Variants in RBMS3 observed in about 807,000 individuals in gnomAD.
RBMS3 encodes RNA binding motif single stranded interacting protein 3.
In RBMS3, 27 loss-of-function variants were observed where a neutral mutation model predicts 66.8. That is an observed-to-expected ratio of 0.40 (90% CI 0.30 to 0.56). The LOEUF (loss-of-function observed/expected upper bound fraction) is 0.56, where lower values mean the gene tolerates loss of function less well. Ranked by LOEUF, RBMS3 falls within the 20% of genes least tolerant of loss-of-function variation. The pLI is 0.40. For missense variants in RBMS3, 513 were observed against 549.5 expected, an observed-to-expected ratio of 0.93 and a Z score of 0.66; for synonymous variants, 188 against 183.0, an observed-to-expected ratio of 1.03 and a Z score of -0.22.
chr3:29,548,874 A>C (rs2046074709), intron 3 of RBMS3, among the ~76,000 whole-genome samples: 1 of 152,144 alleles, frequency 6.6e-6, no homozygotes, highest in African/African-American at 2.4e-5. Flanking sequence ...AAGAAAGAGA[A>C]TTTTGGCCAA....
chr3:29,901,797 C>T (rs1402368710), intron 10 of RBMS3, among the ~76,000 whole-genome samples: 1 of 151,690 alleles, frequency 6.6e-6, no homozygotes, highest in Admixed American at 6.6e-5. Context: ...GGGTGGATTC[C>T]TGGAAAAATA....
chr3:29,363,787 C>T (rs1472919690), intron 1 of RBMS3, among the ~76,000 whole-genome samples: 2 of 111,254 alleles, frequency 1.8e-5, no homozygotes, highest in Admixed American at 1.1e-4. Context: ...GAGACTCTGT[C>T]TCAAAAACAA....
intron 1 of RBMS3, among the ~76,000 whole-genome samples, chr3:29,322,472 C>T (rs1256185329): frequency 2.0e-5 from 3 of 152,040 alleles, no homozygotes; most frequent in Non-Finnish European, 4.4e-5. Flanking sequence ...AAATCCTCAT[C>T]CTCTAACATT....
chr3:29,658,094 G>A (rs2050389273), intron 4 of RBMS3, among the ~76,000 whole-genome samples: 3 of 152,140 alleles, frequency 2.0e-5, no homozygotes, highest in Non-Finnish European at 4.4e-5. Context: ...TTCTTGGCAA[G>A]TTAATTCTGA....
intron 6 of RBMS3, among the ~76,000 whole-genome samples, chr3:29,768,115 G>A (rs1390493462): frequency 6.6e-6 from 1 of 151,776 alleles, no homozygotes; most frequent in Non-Finnish European, 1.5e-5. Context: ...ATTTTTCACT[G>A]GAAAAATTTT....
At chr3:29,466,434 T>G (rs13325067) in intron 2 of RBMS3, among the ~76,000 whole-genome samples, 26,530 of 152,114 alleles carry the variant, frequency 0.17, 2,848 homozygotes, top group East Asian at 0.41. Context: ...TATATATTTT[T>G]TTAGCTCCTT....
At chr3:29,828,045 T>C (rs1203717067) in intron 6 of RBMS3, among the ~76,000 whole-genome samples, 1 of 151,996 alleles carries the variant, frequency 6.6e-6, no homozygotes, top group Non-Finnish European at 1.5e-5. Context: ...TTTGTGTGTG[T>C]GTATATGTTT....
At chr3:29,710,724 C>T (rs7611288) in intron 4 of RBMS3, among the ~76,000 whole-genome samples, 2,025 of 152,266 alleles carry the variant, frequency 0.013, 39 homozygotes, top group African/African-American at 0.042. Flanking sequence ...CATTACACCA[C>T]GTGTTTTTAA....
At chr3:29,529,956 C>T (rs1002901062) in intron 3 of RBMS3, among the ~76,000 whole-genome samples, 4 of 152,266 alleles carry the variant, frequency 2.6e-5, no homozygotes, top group East Asian at 1.9e-4. Context: ...ATTGATTTCA[C>T]TTCCCAATAC....
At chr3:29,522,435 C>T (rs910867643) in intron 3 of RBMS3, among the ~76,000 whole-genome samples, 1 of 152,092 alleles carries the variant, frequency 6.6e-6, no homozygotes, top group African/African-American at 2.4e-5. Flanking sequence ...CTCAGGTGAT[C>T]GGCCCGCCTT....
Position 29,704,959 on chromosome 3 carries a change from T to TA in RBMS3, c.400-34760dup, listed in dbSNP as rs1234944653. 2.0e-5 allele frequency among the ~76,000 whole-genome samples: 3 copies of TA among 152,222 alleles called. No individual in the cohort carries two copies. The East Asian group carries it at 5.8e-4, about 29-fold the overall frequency. On this transcript the variant is annotated intron_variant, in intron 4 of 14. Transcript: ENST00000383767. ...TTCCAAATTCATAATGTTGTCAAGA[T>TA]ATCTTGTCACATGATCACTGGCATA...
intron 12 of RBMS3, among the ~76,000 whole-genome samples, chr3:29,962,551 C>CATATATATATATATATATATAAATAT (rs148691765): frequency 7.4e-6 from 1 of 135,208 alleles, no homozygotes; most frequent in Admixed American, 7.6e-5. Context: ...GGTCAAGACT[C>CATATATATATATATATATATAAATAT]ATATATATAT....
At chr3:29,509,180 C>T (rs1457317411) in intron 3 of RBMS3, among the ~76,000 whole-genome samples, 2 of 151,838 alleles carry the variant, frequency 1.3e-5, no homozygotes, top group South Asian at 4.2e-4. Context: ...AATAGCATCT[C>T]TAGAATTATA....
At chr3:29,431,871 A>T (rs1379591242) in intron 1 of RBMS3, among the ~76,000 whole-genome samples, 1 of 152,100 alleles carries the variant, frequency 6.6e-6, no homozygotes, top group African/African-American at 2.4e-5. Context: ...GACCACAGGC[A>T]CATGGTACCA....
At chr3:29,826,856 G>A (rs1303720766) in intron 6 of RBMS3, among the ~76,000 whole-genome samples, 1 of 152,062 alleles carries the variant, frequency 6.6e-6, no homozygotes, top group African/African-American at 2.4e-5. Context: ...AATAGAAATA[G>A]TCACAAGAAT....
At chr3:29,996,965 T>C (rs928448267) in intron 14 of RBMS3, among the ~76,000 whole-genome samples, 51 of 151,940 alleles carry the variant, frequency 3.4e-4, no homozygotes, top group Admixed American at 1.2e-3. Flanking sequence ...TTCAAAAAAT[T>C]AATGAATCCA....
At chr3:29,465,762 TA>T (rs1002141516) in intron 2 of RBMS3, among the ~76,000 whole-genome samples, 1 of 152,240 alleles carries the variant, frequency 6.6e-6, no homozygotes, top group African/African-American at 2.4e-5. Flanking sequence ...ATTGACTTTC[TA>T]AAGCTATGTT....
intron 2 of RBMS3, among the ~76,000 whole-genome samples, chr3:29,448,876 A>G (rs959692558): frequency 6.6e-6 from 1 of 152,244 alleles, no homozygotes; most frequent in Non-Finnish European, 1.5e-5. Context: ...TGAAGTTTTA[A>G]TACTTACTGA....
chr3:29,960,920 G>C (rs919178431), intron 12 of RBMS3, among the ~76,000 whole-genome samples: 1 of 152,120 alleles, frequency 6.6e-6, no homozygotes, highest in Non-Finnish European at 1.5e-5. Context: ...GATGAGAGGG[G>C]CTGCTATGTA....
Sources: gnomAD v4.1 joint callset for allele counts (sites outside exome capture counted in the v4.1 genomes callset) on GRCh38, gnomAD v4.1.1 for gene constraint, MANE v1.5 for transcripts, NCBI Gene and HGNC (gene_info 2026-07-23, HGNC 2026-07-21) for gene names.